Variants in HECTD4 observed in about 807,000 individuals in gnomAD.
The protein encoded by HECTD4 is probable E3 ubiquitin-protein ligase HECTD4.
Under a neutral mutation model 471.5 loss-of-function variants are expected in HECTD4, and 114 were observed. The ratio of observed to expected loss-of-function variants is 0.24; its 90% confidence interval spans 0.21 to 0.28. HECTD4 has a LOEUF of 0.28. Ranked by LOEUF, HECTD4 falls within the 10% of genes least tolerant of loss-of-function variation. HECTD4 has a pLI of 1.00. For missense variants in HECTD4, 3,866 were observed against 5,651.5 expected, an observed-to-expected ratio of 0.68 and a Z score of 10.13; for synonymous variants, 2,012 against 2,256.0, an observed-to-expected ratio of 0.89 and a Z score of 3.07.
At chr12:112,302,515 G>T in intron 7 of HECTD4, 1 of 733,966 alleles carries the variant, frequency 1.4e-6, no homozygotes. Context: ...CACAAAGTAG[G>T]TGAGTTCTCT....
chr12:112,326,758 G>A (rs890690785), intron 1 of HECTD4, among the ~76,000 whole-genome samples: 1 of 152,156 alleles, frequency 6.6e-6, no homozygotes, highest in Admixed American at 6.5e-5. Flanking sequence ...CTATAATCCT[G>A]TAAGGATAAA....
At chr12:112,356,321 C>T (rs2036337372) in intron 1 of HECTD4, among the ~76,000 whole-genome samples, 1 of 152,126 alleles carries the variant, frequency 6.6e-6, no homozygotes, top group Admixed American at 6.6e-5. Context: ...TAAATAATTA[C>T]AGCTATATAT....
At chr12:112,278,047 C>A (rs983525053) in intron 9 of HECTD4, among the ~76,000 whole-genome samples, 1 of 151,884 alleles carries the variant, frequency 6.6e-6, no homozygotes, top group Non-Finnish European at 1.5e-5. Flanking sequence ...TTGCTACTAT[C>A]GAGTAAAACC....
intron 4 of HECTD4, among the ~76,000 whole-genome samples, chr12:112,311,489 T>C (rs2035368693): frequency 6.6e-6 from 1 of 150,712 alleles, no homozygotes; most frequent in African/African-American, 2.4e-5. Flanking sequence ...CCAGGCATGT[T>C]AGTGCATGCC....
At chr12:112,354,957 G>A (rs188804888) in intron 1 of HECTD4, among the ~76,000 whole-genome samples, 64 of 151,996 alleles carry the variant, frequency 4.2e-4, no homozygotes, top group Non-Finnish European at 7.1e-4. Flanking sequence ...ATAAGCATAA[G>A]GTTAAGGGTT....
chr12:112,356,671 C>T (rs1224783541), intron 1 of HECTD4, among the ~76,000 whole-genome samples: 1 of 152,084 alleles, frequency 6.6e-6, no homozygotes, highest in Non-Finnish European at 1.5e-5. Context: ...CTCCTGGGCT[C>T]AAGTGATCCT....
chr12:112,359,142 T>G (rs2036403152), intron 1 of HECTD4, among the ~76,000 whole-genome samples: 1 of 150,256 alleles, frequency 6.7e-6, no homozygotes, highest in Non-Finnish European at 1.5e-5. Context: ...GCCACTGCAC[T>G]CCTGCACTCC....
At chr12:112,215,728 C>T (rs2032900436) in intron 48 of HECTD4, among the ~76,000 whole-genome samples, 1 of 152,162 alleles carries the variant, frequency 6.6e-6, no homozygotes, top group African/African-American at 2.4e-5. Context: ...CAGCCTCAAC[C>T]TTCTGGGTTC....
chr12:112,259,315 T>C, intron 18 of HECTD4, 50 bp from the exon 19 acceptor site: 2 of 1,590,026 alleles, frequency 1.3e-6, no homozygotes, highest in African/African-American at 1.3e-5. Context: ...CCCAAACATG[T>C]GAAGAAGCAC....
At chr12:112,300,786 G>A (rs2035146908) in intron 7 of HECTD4, among the ~76,000 whole-genome samples, 2 of 151,804 alleles carry the variant, frequency 1.3e-5, no homozygotes. Flanking sequence ...TTTTTGTAGA[G>A]GTGGCATCCC....
chr12:112,247,134 T>TA (rs565906385), intron 28 of HECTD4, 58 bp from the exon 29 acceptor site: 450 of 1,313,540 alleles, frequency 3.4e-4, no homozygotes, highest in South Asian at 2.0e-3. Flanking sequence ...AAACAACTAT[T>TA]AAAAAAAAAT....
intron 66 of HECTD4, among the ~76,000 whole-genome samples, chr12:112,174,412 C>A (rs1262466544): frequency 7.2e-6 from 1 of 139,140 alleles, no homozygotes; most frequent in Admixed American, 7.2e-5. Context: ...ATTACAAGCA[C>A]CTACCACCAC....
Position 112,291,383 on chromosome 12 carries a change from T to A in HECTD4, c.1336-8081A>T, listed in dbSNP as rs4766882. 0.056 allele frequency among the ~76,000 whole-genome samples: 8,457 copies of A among 152,200 alleles called. 1,288 individuals carry two copies. In the East Asian group the frequency reaches 0.61, roughly 11 times the overall value. On this transcript the variant is annotated intron_variant, in intron 7 of 75. Coordinates refer to ENST00000682272, the MANE Select transcript of HECTD4 (RefSeq NM_001388303.1). ...ATGTAATCACACTTATTATTAGCAA[T>A]AATTCTTGACATCATCTAATATTGA... is the stretch of plus-strand genomic sequence containing the variant.
At chr12:112,267,757 CA>C (rs1476416500) in intron 13 of HECTD4, among the ~76,000 whole-genome samples, 1 of 152,166 alleles carries the variant, frequency 6.6e-6, no homozygotes, top group African/African-American at 2.4e-5. Context: ...AACAATATTG[CA>C]AATGGCATCA....
chr12:112,226,849 C>T, intron 43 of HECTD4, 91 bp from the exon 44 acceptor site: 1 of 927,842 alleles, frequency 1.1e-6, no homozygotes, highest in South Asian at 1.8e-5. Flanking sequence ...TCAATTTTGC[C>T]CCCCAGTTTA....
Position 112,172,655 on chromosome 12 carries a change from G to A in HECTD4, c.11785+16C>T. On this transcript the variant is annotated intron_variant, in intron 67 of 75. Transcript: ENST00000682272. ...CATCAGGCAGCAGGGGAGGGGATAGGCCCAGGGCCACATACTCAGGAGACA... is the reference window on the plus strand; with the variant it reads ...CATCAGGCAGCAGGGGAGGGGATAGACCCAGGGCCACATACTCAGGAGACA... 2 of 1,612,378 alleles carry A rather than the reference G, an allele frequency of 1.2e-6. No homozygotes were observed. Among genetic ancestry groups the A allele is most frequent in the East Asian group, 4.5e-5 (2 of 44,824 alleles).
intron 68 of HECTD4, chr12:112,170,818 T>C (rs1329204445): frequency 6.5e-6 from 3 of 460,652 alleles, no homozygotes; most frequent in Non-Finnish European, 1.2e-5. Context: ...CAATGTCACT[T>C]CTGGGATGTA....
intron 1 of HECTD4, among the ~76,000 whole-genome samples, chr12:112,333,483 T>C (rs766573264): frequency 2.0e-5 from 3 of 152,370 alleles, no homozygotes; most frequent in Middle Eastern, 6.8e-3. Flanking sequence ...AATGGGCTTA[T>C]TGGCCATTTG....
intron 17 of HECTD4, among the ~76,000 whole-genome samples, chr12:112,263,614 T>A (rs1398371007): frequency 6.6e-6 from 1 of 152,112 alleles, no homozygotes; most frequent in Non-Finnish European, 1.5e-5. Flanking sequence ...CATACAAAGA[T>A]TGAAAAAATT....
Sources: allele counts gnomAD v4.1 joint callset (sites outside exome capture counted in the v4.1 genomes callset), GRCh38; gene constraint gnomAD v4.1.1; transcripts MANE v1.5; gene names NCBI Gene and HGNC (gene_info 2026-07-23, HGNC 2026-07-21).